MGAT4C: variants seen among roughly 807,000 people sequenced by gnomAD.
The protein encoded by MGAT4C is alpha-1,3-mannosyl-glycoprotein 4-beta-N-acetylglucosaminyltransferase C.
MGAT4C carries 19 observed loss-of-function variants against 40.1 expected under a neutral mutation model. That is an observed-to-expected ratio of 0.47 (90% CI 0.33 to 0.70). The LOEUF (loss-of-function observed/expected upper bound fraction) is 0.70, where lower values mean the gene tolerates loss of function less well. MGAT4C is among the 30% of genes least tolerant of loss of function. The probability of loss-of-function intolerance (pLI) is 0.02; values close to 1 mark genes in which losing one functional copy is unlikely to be tolerated. For missense variants in MGAT4C, 491 were observed against 563.2 expected (o/e 0.87, Z 1.30); for synonymous variants, 181 against 187.1 (o/e 0.97, Z 0.27).
intron 2 of MGAT4C, among the ~76,000 whole-genome samples, chr12:86,443,239 T>C (rs1301719088): frequency 1.3e-5 from 2 of 151,930 alleles, no homozygotes; most frequent in Admixed American, 1.3e-4. Flanking sequence ...CACATGTAAA[T>C]TTCTGTTGAC....
At chr12:86,344,331 C>T (rs1954969094) in intron 3 of MGAT4C, among the ~76,000 whole-genome samples, 1 of 152,182 alleles carries the variant, frequency 6.6e-6, no homozygotes, top group Non-Finnish European at 1.5e-5. Flanking sequence ...ACTATTCTAT[C>T]ACAAGGGACT....
At position 85,963,989 on chromosome 12, in the gene MGAT4C, T is replaced by C. The variant is rs775154003; in HGVS notation, c.*15300A>G. 2 of 152,022 alleles carry C rather than the reference T, an allele frequency of 1.3e-5. 1 individual carries two copies. Among genetic ancestry groups the C allele is most frequent in the South Asian group, 4.1e-4 (2 of 4,834 alleles). The allele number at this position is 152,022 out of a possible 1,614,324, so 9.4% of individuals were successfully genotyped here. On this transcript the variant is annotated 3_prime_UTR_variant, in exon 5 of 5. Transcript: ENST00000611864. ...CCAAAGTGATAGTCAAAAGTACCTA[T>C]GTTTGCCTAGTTCTCAGATTACAAC...
chr12:86,433,891 C>T (rs1957091289), intron 3 of MGAT4C, among the ~76,000 whole-genome samples: 1 of 151,910 alleles, frequency 6.6e-6, no homozygotes, highest in Non-Finnish European at 1.5e-5. Flanking sequence ...ATGTTAAATC[C>T]TCATTAAATC....
At chr12:86,766,719 C>G (rs1244478208) in intron 1 of MGAT4C, among the ~76,000 whole-genome samples, 1 of 152,074 alleles carries the variant, frequency 6.6e-6, no homozygotes, top group East Asian at 1.9e-4. Context: ...GAAACTCACT[C>G]AAAACCGCTC....
chr12:86,252,913 C>G (rs1304511781), intron 1 of MGAT4C, among the ~76,000 whole-genome samples: 1 of 151,788 alleles, frequency 6.6e-6, no homozygotes, highest in Admixed American at 6.6e-5. Context: ...ATATCTACCA[C>G]AAGCTATTTT....
At chr12:86,661,233 T>C (rs961458866) in intron 2 of MGAT4C, among the ~76,000 whole-genome samples, 1 of 150,236 alleles carries the variant, frequency 6.7e-6, no homozygotes, top group Non-Finnish European at 1.5e-5. Flanking sequence ...AATAAAAAAA[T>C]CAGTATAAAA....
rs559828487 is a variant in MGAT4C, at chr12:86,187,804, T to C, written c.-57+68435A>G. ...CTCTAGGCTTGAACGTATTAAAGAT[T>C]GGTTGTTTATCTAAGGTGCGCTTCA... On this transcript the variant is annotated intron_variant, in intron 1 of 4. Coordinates refer to ENST00000611864, the MANE Select transcript of MGAT4C (RefSeq NM_001351288.2). Among the ~76,000 whole-genome samples, 8 of 152,072 alleles carry C rather than the reference T, an allele frequency of 5.3e-5. No individual in the cohort carries two copies. In the South Asian group the frequency reaches 1.2e-3, roughly 24 times the overall value.
intron 2 of MGAT4C, among the ~76,000 whole-genome samples, chr12:86,489,490 C>A (rs1342619224): frequency 2.0e-5 from 3 of 152,210 alleles, no homozygotes; most frequent in Non-Finnish European, 4.4e-5. Flanking sequence ...CCCCAAACTA[C>A]AAGGCAAAGG....
intron 1 of MGAT4C, among the ~76,000 whole-genome samples, chr12:86,734,805 C>G (rs1181899905): frequency 6.6e-6 from 1 of 151,936 alleles, no homozygotes; most frequent in African/African-American, 2.4e-5. Context: ...TATACAGTAG[C>G]CTGAACTGAT....
intron 2 of MGAT4C, among the ~76,000 whole-genome samples, chr12:86,508,080 T>A (rs941429630): frequency 6.6e-6 from 1 of 152,058 alleles, no homozygotes; most frequent in Non-Finnish European, 1.5e-5. Context: ...TATTATACTT[T>A]AAGTTTTAGG....
At chr12:86,219,623 T>A (rs1293317779) in intron 1 of MGAT4C, among the ~76,000 whole-genome samples, 2 of 152,150 alleles carry the variant, frequency 1.3e-5, no homozygotes, top group East Asian at 3.9e-4. Context: ...TGGAAAAATA[T>A]CCAGTGATAG....
At chr12:86,176,555 T>C (rs955131360) in intron 1 of MGAT4C, among the ~76,000 whole-genome samples, 1 of 152,044 alleles carries the variant, frequency 6.6e-6, no homozygotes, top group Admixed American at 6.6e-5. Flanking sequence ...TTTGACTCTA[T>C]AGATATTTAT....
chr12:86,727,632 A>T lies in MGAT4C; in HGVS notation c.-261-391T>A, dbSNP rs181682598. 5.5e-3 allele frequency among the ~76,000 whole-genome samples: 833 copies of T among 152,234 alleles called. 3 individuals are homozygous for T. Among genetic ancestry groups the T allele is most frequent in the Non-Finnish European group, 8.8e-3 (601 of 67,976 alleles). ...TACTTAATGATACAAAAATTTTAAA[A>T]CAGTAAAATCTAAATGTTCACATAG... On this transcript the variant is annotated intron_variant, in intron 1 of 7. Transcript: ENST00000548651.
intron 2 of MGAT4C, among the ~76,000 whole-genome samples, chr12:86,587,337 G>C (rs1372147755): frequency 1.3e-5 from 2 of 152,052 alleles, no homozygotes. Flanking sequence ...CCAGTACCAT[G>C]CTGTTTTGGT....
At chr12:86,392,573 C>A (rs1476558621) in intron 3 of MGAT4C, among the ~76,000 whole-genome samples, 1 of 151,966 alleles carries the variant, frequency 6.6e-6, no homozygotes, top group African/African-American at 2.4e-5. Flanking sequence ...GCAATAAAAC[C>A]AAAAAGAAGG....
chr12:86,012,782 ACCACCACCACC>A (rs1565857901), intron 2 of MGAT4C, among the ~76,000 whole-genome samples: 1,459 of 136,418 alleles, frequency 0.011, 8 homozygotes, highest in Admixed American at 0.016. Flanking sequence ...AACAACAACC[ACCACCACCACC>A]ACCACCACCA....
chr12:86,621,631 A>G (rs1052804734), intron 2 of MGAT4C, among the ~76,000 whole-genome samples: 19 of 152,068 alleles, frequency 1.2e-4, no homozygotes, highest in African/African-American at 4.3e-4. Flanking sequence ...GGTGCACACC[A>G]CCATGGCTGG....
At chr12:86,269,087 G>A (rs1235462140) in intron 4 of MGAT4C, among the ~76,000 whole-genome samples, 1 of 136,246 alleles carries the variant, frequency 7.3e-6, no homozygotes, top group Non-Finnish European at 1.5e-5. Flanking sequence ...CTCACACTAT[G>A]TGGAGTTTTC....
At chr12:86,160,274 GC>G (rs1312825717) in intron 1 of MGAT4C, among the ~76,000 whole-genome samples, 1 of 151,874 alleles carries the variant, frequency 6.6e-6, no homozygotes, top group Admixed American at 6.6e-5. Context: ...TTTTATTTCT[GC>G]CTTAATTTCA....
Sources: allele counts gnomAD v4.1 joint callset (sites outside exome capture counted in the v4.1 genomes callset), GRCh38; gene constraint gnomAD v4.1.1; transcripts MANE v1.5; gene names NCBI Gene and HGNC (gene_info 2026-07-23, HGNC 2026-07-21).